Variants in TBL1XR1 observed in about 807,000 individuals in gnomAD.
The protein encoded by TBL1XR1 is TBL1X/Y related 1.
TBL1XR1 carries 5 observed loss-of-function variants against 66.9 expected under a neutral mutation model. The ratio of observed to expected loss-of-function variants is 0.07; its 90% CI spans 0.04 to 0.16. The LOEUF (loss-of-function observed/expected upper bound fraction) is 0.16, where lower values mean the gene tolerates loss of function less well. TBL1XR1 is among the 10% of genes least tolerant of loss of function. The pLI, the probability that TBL1XR1 is intolerant of heterozygous loss-of-function variation, is 1.00. For missense variants in TBL1XR1, 238 were observed against 623.2 expected (o/e 0.38, Z 6.58); for synonymous variants, 210 against 206.0 (o/e 1.02, Z -0.17).
intron 1 of TBL1XR1, among the ~76,000 whole-genome samples, chr3:177,170,949 C>T (rs1158068166): frequency 2.6e-5 from 4 of 152,098 alleles, no homozygotes; most frequent in Admixed American, 2.6e-4. Context: ...ACAATGCTGG[C>T]ATGTAGCAAA....
chr3:177,096,813 C>T (rs536176475), intron 2 of TBL1XR1, among the ~76,000 whole-genome samples: 1 of 152,226 alleles, frequency 6.6e-6, no homozygotes, highest in Admixed American at 6.5e-5. Context: ...CCAGCAAGTG[C>T]TTTATAAATT....
chr3:177,180,492 T>A (rs991934314), intron 1 of TBL1XR1, among the ~76,000 whole-genome samples: 10 of 152,030 alleles, frequency 6.6e-5, no homozygotes, highest in African/African-American at 2.4e-4. Flanking sequence ...ACGACTTTTT[T>A]AAACTTTTAT....
chr3:177,023,858 A>C lies in TBL1XR1; in HGVS notation c.*1640T>G, dbSNP rs139278484. 1,751 of 152,320 alleles carry C rather than the reference A, an allele frequency of 0.011. 17 individuals carry two copies. The highest frequency in any genetic ancestry group is 0.015 in the Non-Finnish European group (1,018 of 67,914). 9.4% of individuals were successfully genotyped at this position (152,320 alleles called of 1,614,324 possible). A position where few individuals can be genotyped will look rare whatever the true frequency, so the allele number is the denominator to read the frequency against. Reference sequence around the variant, plus strand: ...TATTAATTTGCTAAGCTCAACAATAAGCAATTCCTTAATTAAAATCTTCGA... The same window carrying C: ...TATTAATTTGCTAAGCTCAACAATACGCAATTCCTTAATTAAAATCTTCGA... On this transcript the variant is annotated 3_prime_UTR_variant, in exon 16 of 16. Coordinates refer to ENST00000457928, the MANE Select transcript of TBL1XR1 (RefSeq NM_024665.7).
chr3:177,169,810 G>A (rs1376019128), intron 1 of TBL1XR1, among the ~76,000 whole-genome samples: 1 of 152,242 alleles, frequency 6.6e-6, no homozygotes, highest in African/African-American at 2.4e-5. Flanking sequence ...ATCAGGAGAT[G>A]AAGAGTTCCA....
At chr3:177,087,462 T>G (rs1722286254) in intron 2 of TBL1XR1, among the ~76,000 whole-genome samples, 1 of 152,122 alleles carries the variant, frequency 6.6e-6, no homozygotes, top group Non-Finnish European at 1.5e-5. Context: ...CTTTTTGTTT[T>G]AAAAACTCTC....
At chr3:177,100,436 T>A (rs1157149361) in intron 1 of TBL1XR1, among the ~76,000 whole-genome samples, 2 of 152,160 alleles carry the variant, frequency 1.3e-5, no homozygotes, top group East Asian at 3.9e-4. Flanking sequence ...TACTTTTTTT[T>A]TTTTTGAGAC....
chr3:177,078,427 T>C (rs1720959318), intron 2 of TBL1XR1, among the ~76,000 whole-genome samples: 1 of 151,282 alleles, frequency 6.6e-6, no homozygotes, highest in Non-Finnish European at 1.5e-5. Context: ...AAAAAAATTT[T>C]GGTTTTAATT....
chr3:177,140,579 A>G (rs6783106), intron 1 of TBL1XR1, among the ~76,000 whole-genome samples: 69,475 of 152,038 alleles, frequency 0.46, 16,437 homozygotes, highest in Non-Finnish European at 0.52. Context: ...TAAAGTGGCA[A>G]AACAACAAAG....
rs1163904418 is a variant in TBL1XR1, at chr3:177,051,757, ATC to A, written c.205-33_205-32del. On this transcript the variant is annotated intron_variant, in intron 4 of 15. Transcript: ENST00000457928. ...TTTGGAAAATTGTGAGAGAAGAAAAATCAAAGGCAATATTTAAAGTTATTTGT... is the reference window on the plus strand; with the variant it reads ...TTTGGAAAATTGTGAGAGAAGAAAAAAAAGGCAATATTTAAAGTTATTTGT... 2.7e-6 allele frequency: 4 copies of A among 1,495,962 alleles called. No individual in the cohort carries two copies. In the South Asian group the frequency reaches 5.2e-5, roughly 19 times the overall value. 92.7% of individuals were successfully genotyped at this position (1,495,962 alleles called of 1,614,324 possible).
chr3:177,132,851 C>T (rs1354292664), intron 1 of TBL1XR1, among the ~76,000 whole-genome samples: 2 of 152,194 alleles, frequency 1.3e-5, no homozygotes, highest in African/African-American at 4.8e-5. Context: ...CTTATGAATT[C>T]AGATTTCCAC....
intron 1 of TBL1XR1, among the ~76,000 whole-genome samples, chr3:177,165,332 T>C (rs115151345): frequency 0.016 from 2,396 of 152,260 alleles, 55 homozygotes; most frequent in African/African-American, 0.055. Flanking sequence ...GAAAGTCTGA[T>C]GAAATAAATC....
At chr3:177,036,789 T>C (rs931802880) in intron 12 of TBL1XR1, among the ~76,000 whole-genome samples, 5 of 152,210 alleles carry the variant, frequency 3.3e-5, no homozygotes, top group South Asian at 2.1e-4. Flanking sequence ...AATCTGTTCA[T>C]AGTAGCAGGA....
At position 177,021,380 on chromosome 3, in the gene TBL1XR1, AAAAAT is replaced by A. The variant is rs1386768398; in HGVS notation, c.*4113_*4117del. Reference sequence around the variant, plus strand: ...TCATGAAACAGCTTACAAAAAAAAAAAAAATATATGCCCTAGTTATTCACCCTGCT... The same window carrying A: ...TCATGAAACAGCTTACAAAAAAAAAAATATGCCCTAGTTATTCACCCTGCT... On this transcript the variant is annotated 3_prime_UTR_variant, in exon 16 of 16. Transcript: ENST00000457928. 1 of 152,548 alleles carries A rather than the reference AAAAAT, an allele frequency of 6.6e-6. No individual in the cohort carries two copies. The highest frequency in any genetic ancestry group is 1.5e-5 in the Non-Finnish European group (1 of 67,988). The allele number at this position is 152,548 out of a possible 1,614,324, so 9.4% of individuals were successfully genotyped here. A position where few individuals can be genotyped will look rare whatever the true frequency, so the allele number is the denominator to read the frequency against.
intron 13 of TBL1XR1, among the ~76,000 whole-genome samples, chr3:177,033,496 C>T (rs1452653182): frequency 2.6e-5 from 4 of 152,000 alleles, no homozygotes; most frequent in African/African-American, 9.7e-5. Context: ...CCAAAGTGAC[C>T]ACATTTTTCC....
rs138832576 is a variant in TBL1XR1, at chr3:177,030,834, G to A, written c.1416+2137C>T. Reference sequence around the variant, plus strand: ...TTAAAAAGTTTAGTTGGGTGAGGCCGGGCATGGTGGCTCACACCTGTAATC... The same window carrying A: ...TTAAAAAGTTTAGTTGGGTGAGGCCAGGCATGGTGGCTCACACCTGTAATC... On this transcript the variant is annotated intron_variant, in intron 14 of 15. Coordinates refer to ENST00000457928, the MANE Select transcript of TBL1XR1 (RefSeq NM_024665.7). 8.3e-3 allele frequency among the ~76,000 whole-genome samples: 1,259 copies of A among 152,256 alleles called. 28 individuals are homozygous for A. Among genetic ancestry groups the A allele is most frequent in the African/African-American group, 0.029 (1,203 of 41,548 alleles).
chr3:177,170,172 C>T (rs1187276590), intron 1 of TBL1XR1, among the ~76,000 whole-genome samples: 1 of 152,146 alleles, frequency 6.6e-6, no homozygotes, highest in Non-Finnish European at 1.5e-5. Flanking sequence ...TCTGATTACA[C>T]TGCAGCCCCA....
At chr3:177,100,174 G>A (rs531663688) in intron 1 of TBL1XR1, among the ~76,000 whole-genome samples, 132 of 152,298 alleles carry the variant, frequency 8.7e-4, no homozygotes, top group Non-Finnish European at 1.7e-3. Flanking sequence ...GGGAGGCAGA[G>A]GTTGCAGTGA....
Position 177,024,304 on chromosome 3 carries a change from A to G in TBL1XR1, c.*1194T>C, listed in dbSNP as rs1412135461. The G allele has an allele frequency of 6.6e-6, 1 of 152,598 alleles. No individual in the cohort carries two copies. The highest frequency in any genetic ancestry group is 2.4e-5 in the African/African-American group (1 of 41,462). 9.5% of individuals were successfully genotyped at this position (152,598 alleles called of 1,614,324 possible). ...TGTTTTTTAAACTAAGGTAGCAAAC[A>G]TTTTGCCATGTAATGGCAGTGTTAT... is the stretch of plus-strand genomic sequence containing the variant. On this transcript the variant is annotated 3_prime_UTR_variant, in exon 16 of 16. Transcript: ENST00000457928.
chr3:177,032,832 A>G, intron 14 of TBL1XR1, 139 bp downstream of exon 14: 1 of 606,416 alleles, frequency 1.6e-6, no homozygotes, highest in African/African-American at 1.9e-5. Flanking sequence ...AACTTCCATT[A>G]GTTTCTATCT....
Sources: gnomAD v4.1 joint callset for allele counts (sites outside exome capture counted in the v4.1 genomes callset) on GRCh38, gnomAD v4.1.1 for gene constraint, MANE v1.5 for transcripts, NCBI Gene and HGNC (gene_info 2026-07-23, HGNC 2026-07-21) for gene names.